DIP2C: variants seen among roughly 807,000 people sequenced by gnomAD.
DIP2C encodes the protein DIP2 acetate--CoA ligase C (putative).
DIP2C carries 33 observed loss-of-function variants against 192.4 expected under a neutral mutation model. The ratio of observed to expected loss-of-function variants is 0.17; its 90% confidence interval spans 0.13 to 0.23. DIP2C has a LOEUF of 0.23. DIP2C is among the 10% of genes least tolerant of loss of function. DIP2C has a pLI of 1.00. For missense variants in DIP2C, 1,537 were observed against 2,110.1 expected (o/e 0.73, Z 5.32); for synonymous variants, 979 against 864.1 (o/e 1.13, Z -2.33).
intron 18 of DIP2C, among the ~76,000 whole-genome samples, chr10:367,111 TCA>T (rs1336596481): frequency 6.6e-6 from 1 of 152,134 alleles, no homozygotes; most frequent in Non-Finnish European, 1.5e-5. Context: ...TAAGTTAAAC[TCA>T]CAGGAAGAAA....
chr10:528,582 C>CA (rs1294980170), intron 1 of DIP2C, among the ~76,000 whole-genome samples: 1 of 152,228 alleles, frequency 6.6e-6, no homozygotes, highest in Non-Finnish European at 1.5e-5. Context: ...ATCTTGGACT[C>CA]AGGAGGCGCT....
chr10:488,130 A>C (rs1407312475), intron 1 of DIP2C, among the ~76,000 whole-genome samples: 2 of 152,234 alleles, frequency 1.3e-5, no homozygotes, highest in African/African-American at 4.8e-5. Context: ...ACAAGACTTT[A>C]ATAAATCCTA....
chr10:340,922 A>G lies in DIP2C; in HGVS notation c.3584+277T>C, dbSNP rs1456942382. Reference sequence around the variant, plus strand: ...TTACAGGCATAAGAACCAAGCCTGGAGCCTGGGAGTCTTCTGATTGTCAGA... The same window carrying G: ...TTACAGGCATAAGAACCAAGCCTGGGGCCTGGGAGTCTTCTGATTGTCAGA... On this transcript the variant is annotated intron_variant, in intron 29 of 36. Transcript: ENST00000280886. 1.1e-5 allele frequency: 6 copies of G among 528,244 alleles called. No individual in the cohort carries two copies. The Admixed American group carries it at 1.3e-4, about 12-fold the overall frequency. The allele number at this position is 528,244 out of a possible 1,614,324, so 32.7% of individuals were successfully genotyped here.
intron 1 of DIP2C, among the ~76,000 whole-genome samples, chr10:598,705 G>A (rs757527817): frequency 1.3e-5 from 2 of 152,128 alleles, no homozygotes; most frequent in African/African-American, 2.4e-5. Flanking sequence ...AATCCACACC[G>A]TGGCTTGTGT....
At chr10:680,763 C>T (rs562762837) in intron 1 of DIP2C, among the ~76,000 whole-genome samples, 1 of 152,362 alleles carries the variant, frequency 6.6e-6, no homozygotes, top group South Asian at 2.1e-4. Context: ...CTGTGTGCTT[C>T]CTGGGAGTGG....
rs796882315 is a variant in DIP2C at position 619,537 on chromosome 10, G to A, written c.85+69957C>T. The stretch of plus-strand genomic sequence containing the variant: ...GCCAGGGCCAGGACCAAGCCCGCCC[G>A]CCCGCCCTCCCACCCAGCTCCTCAC... On this transcript the variant is annotated intron_variant, in intron 1 of 36. Coordinates refer to ENST00000280886, the MANE Select transcript of DIP2C (RefSeq NM_014974.3). Among the ~76,000 whole-genome samples, 185 of 51,384 alleles carry A rather than the reference G, an allele frequency of 3.6e-3. 1 individual carries two copies. The South Asian group carries it at 0.038, about 11-fold the overall frequency. 33.7% of individuals were successfully genotyped at this position (51,384 alleles called of 152,430 possible).
chr10:613,456 C>G (rs1431660324), intron 1 of DIP2C, among the ~76,000 whole-genome samples: 1 of 152,224 alleles, frequency 6.6e-6, no homozygotes, highest in Non-Finnish European at 1.5e-5. Flanking sequence ...ACTAAGGAAT[C>G]CGATTTGGAG....
At chr10:625,510 G>A (rs527809786) in intron 1 of DIP2C, among the ~76,000 whole-genome samples, 83 of 152,132 alleles carry the variant, frequency 5.5e-4, no homozygotes, top group Non-Finnish European at 1.0e-3. Flanking sequence ...CCCCTACGGG[G>A]AGCCTGCCCT....
At chr10:311,658 C>G in intron 31 of DIP2C, 4 of 1,098,444 alleles carry the variant, frequency 3.6e-6, no homozygotes, top group East Asian at 3.2e-5. Context: ...ACATACGACC[C>G]GACAGTGAAA....
intron 2 of DIP2C, among the ~76,000 whole-genome samples, chr10:482,232 G>C (rs1369853399): frequency 6.6e-6 from 1 of 152,186 alleles, no homozygotes; most frequent in Non-Finnish European, 1.5e-5. Flanking sequence ...TGGTAGCAGG[G>C]AGGAACTGAG....
intron 1 of DIP2C, among the ~76,000 whole-genome samples, chr10:548,151 C>A (rs541372169): frequency 1.3e-5 from 2 of 148,876 alleles, no homozygotes; most frequent in Non-Finnish European, 3.0e-5. Context: ...CCCCAGTGCA[C>A]CTAAAACAAG....
rs370635458 is a variant in DIP2C, at chr10:356,529, G to C, written c.2905-23C>G. On this transcript the variant is annotated intron_variant, in intron 23 of 36. Transcript: ENST00000280886. Reference sequence around the variant, plus strand: ...GAACTGGAACAGAGCACGGGCATGAGGATCAGGCTGTGCGGTTGGATCAGG... The same window carrying C: ...GAACTGGAACAGAGCACGGGCATGACGATCAGGCTGTGCGGTTGGATCAGG... 2.7e-4 allele frequency: 426 copies of C among 1,594,238 alleles called. 1 individual carries two copies. The Admixed American group carries it at 5.8e-3, about 22-fold the overall frequency.
At chr10:623,276 C>T (rs1222751092) in intron 1 of DIP2C, among the ~76,000 whole-genome samples, 1 of 148,418 alleles carries the variant, frequency 6.7e-6, no homozygotes, top group Non-Finnish European at 1.5e-5. Flanking sequence ...CATCTCCCTC[C>T]AGCCGCACTT....
At chr10:321,605 T>C (rs1957027279) in intron 31 of DIP2C, among the ~76,000 whole-genome samples, 1 of 140,508 alleles carries the variant, frequency 7.1e-6, no homozygotes, top group Admixed American at 7.1e-5. Context: ...AGACCGGCGC[T>C]GTTAGAACAG....
intron 2 of DIP2C, 118 bp downstream of exon 2, chr10:486,341 G>A (rs990178148): frequency 2.7e-5 from 25 of 910,080 alleles, no homozygotes; most frequent in Non-Finnish European, 3.5e-5. Context: ...GAGGGTGAAC[G>A]CCAGACGCCT....
chr10:405,622 A>G (rs1157478348), intron 9 of DIP2C, among the ~76,000 whole-genome samples: 2 of 152,218 alleles, frequency 1.3e-5, no homozygotes, highest in African/African-American at 4.8e-5. Context: ...AGTGATCCCA[A>G]TACAATACTG....
intron 22 of DIP2C, among the ~76,000 whole-genome samples, chr10:358,484 G>A (rs1959175423): frequency 7.0e-6 from 1 of 143,406 alleles, no homozygotes; most frequent in African/African-American, 2.6e-5. Context: ...AAAGGTCTTA[G>A]GTTCTGTCAG....
chr10:397,509 G>A (rs1021142721), intron 10 of DIP2C, among the ~76,000 whole-genome samples: 1 of 141,288 alleles, frequency 7.1e-6, no homozygotes, highest in Non-Finnish European at 1.5e-5. Context: ...CAGCCTGGGA[G>A]ACACAGCGAC....
intron 3 of DIP2C, among the ~76,000 whole-genome samples, chr10:463,948 A>G (rs1372835588): frequency 1.3e-5 from 2 of 152,230 alleles, no homozygotes; most frequent in Non-Finnish European, 2.9e-5. Context: ...CCATAAGCAG[A>G]AAACTGAAAC....
Sources: gnomAD v4.1 joint callset for allele counts (sites outside exome capture counted in the v4.1 genomes callset) on GRCh38, gnomAD v4.1.1 for gene constraint, MANE v1.5 for transcripts, NCBI Gene and HGNC (gene_info 2026-07-23, HGNC 2026-07-21) for gene names.